Variants in CRADD observed in about 807,000 individuals in gnomAD.
CRADD encodes the protein CARD and death domain containing adaptor protein.
In CRADD, 9 loss-of-function variants were observed where a neutral mutation model predicts 15.5. That is an observed-to-expected ratio of 0.58 (90% confidence interval 0.35 to 1.01). CRADD has a LOEUF of 1.01. Among genes scored for constraint, CRADD ranks in the 50% least tolerant of loss-of-function variants. The pLI, the probability that CRADD is intolerant of heterozygous loss-of-function variation, is 0.02. For missense variants in CRADD, 227 were observed against 250.3 expected, an observed-to-expected ratio of 0.91 and a Z score of 0.63; for synonymous variants, 118 against 107.6, an observed-to-expected ratio of 1.10 and a Z score of -0.60.
At chr12:93,760,490 C>T (rs759199762) in intron 2 of CRADD, among the ~76,000 whole-genome samples, 2 of 152,040 alleles carry the variant, frequency 1.3e-5, no homozygotes, top group Non-Finnish European at 1.5e-5. Context: ...TAGCAGTGTC[C>T]GTTTTCTGTT....
intron 2 of CRADD, among the ~76,000 whole-genome samples, chr12:93,696,035 A>T (rs1029158392): frequency 1.3e-5 from 2 of 152,254 alleles, no homozygotes; most frequent in East Asian, 1.9e-4. Context: ...TTATAATGAG[A>T]TATAACCTCA....
chr12:93,819,424 G>A (rs371343489), intron 2 of CRADD, among the ~76,000 whole-genome samples: 1 of 152,246 alleles, frequency 6.6e-6, no homozygotes, highest in Admixed American at 6.5e-5. Context: ...GACGTTTGAA[G>A]AGGCAGCAAA....
At position 93,826,412 on chromosome 12, in the gene CRADD, A is replaced by G. The variant is rs182330880; in HGVS notation, c.299-23558A>G. 3.1e-4 allele frequency among the ~76,000 whole-genome samples: 47 copies of G among 152,344 alleles called. No homozygotes were observed. In the East Asian group the frequency reaches 7.5e-3, roughly 24 times the overall value. On this transcript the variant is annotated intron_variant, in intron 2 of 2. Coordinates refer to ENST00000332896, the MANE Select transcript of CRADD (RefSeq NM_003805.5). ...GAACCAAAGCACATGATATTATTTT[A>G]AAGTGCTGCAGCCTCTGGAATTTTT...
At chr12:93,767,323 C>T (rs1957036742) in intron 2 of CRADD, among the ~76,000 whole-genome samples, 1 of 152,236 alleles carries the variant, frequency 6.6e-6, no homozygotes, top group African/African-American at 2.4e-5. Flanking sequence ...TGGATAAACG[C>T]CTTCCCTGGT....
Position 93,817,693 on chromosome 12 carries a change from C to T in CRADD, c.299-32277C>T, listed in dbSNP as rs148929767. On this transcript the variant is annotated intron_variant, in intron 2 of 2. Coordinates refer to ENST00000332896, the MANE Select transcript of CRADD (RefSeq NM_003805.5). ...TCATCATAAAGCAGGTTGGGGCCTT[C>T]GAATCCACTCTCGGTGGCCCTTAGA... 8.5e-5 allele frequency among the ~76,000 whole-genome samples: 13 copies of T among 152,146 alleles called. 1 individual carries two copies. In the South Asian group the frequency reaches 2.3e-3, roughly 27 times the overall value.
chr12:93,850,587 A>G lies in CRADD; in HGVS notation c.*316A>G, dbSNP rs1159597747. The G allele has an allele frequency of 3.7e-5, 35 of 939,722 alleles. No individual in the cohort carries two copies. Among genetic ancestry groups the G allele is most frequent in the Non-Finnish European group, 4.4e-5 (34 of 776,764 alleles). The allele number at this position is 939,722 out of a possible 1,614,324, so 58.2% of individuals were successfully genotyped here. A position where few individuals can be genotyped will look rare whatever the true frequency, so the allele number is the denominator to read the frequency against. On this transcript the variant is annotated 3_prime_UTR_variant, in exon 3 of 3. Transcript: ENST00000332896. This position sits in a 1 kb window ranked among gnomAD's most constrained non-coding sequence, Gnocchi z 4.0. ...AGTGGTTCAAAATATATATCCATAT[A>G]TATATATATCCATATATATATCTCA...
intron 2 of CRADD, among the ~76,000 whole-genome samples, chr12:93,887,568 G>T (rs1043091627): frequency 6.6e-6 from 1 of 152,204 alleles, no homozygotes; most frequent in Non-Finnish European, 1.5e-5. Context: ...TTAGCAAATC[G>T]CCAAGGTGTT....
At chr12:93,825,820 A>G (rs2137023925) in intron 2 of CRADD, among the ~76,000 whole-genome samples, 2 of 152,342 alleles carry the variant, frequency 1.3e-5, no homozygotes, top group East Asian at 3.9e-4. Context: ...AGACCCTTTG[A>G]TGCCACAGAG....
intron 2 of CRADD, among the ~76,000 whole-genome samples, chr12:93,843,557 T>A (rs1308202773): frequency 6.6e-6 from 1 of 151,518 alleles, no homozygotes; most frequent in African/African-American, 2.4e-5. Context: ...TTTTTGTATT[T>A]TTAGCAGAGA....
At chr12:93,796,103 G>A (rs1159739819) in intron 2 of CRADD, among the ~76,000 whole-genome samples, 3 of 151,730 alleles carry the variant, frequency 2.0e-5, no homozygotes, top group African/African-American at 7.3e-5. Context: ...ATTTTATCAA[G>A]TAGCTGGGAG....
chr12:93,710,704 A>T (rs1046199732), intron 2 of CRADD, among the ~76,000 whole-genome samples: 1 of 152,006 alleles, frequency 6.6e-6, no homozygotes, highest in Non-Finnish European at 1.5e-5. Context: ...ATCACATCCT[A>T]TTGGTCAAAA....
chr12:93,726,040 A>G (rs1956357962), intron 2 of CRADD, among the ~76,000 whole-genome samples: 1 of 150,936 alleles, frequency 6.6e-6, no homozygotes, highest in Non-Finnish European at 1.5e-5. Context: ...CTGTGGCTCT[A>G]ATTGTTTCTG....
chr12:93,760,997 A>G (rs527663408), intron 2 of CRADD, among the ~76,000 whole-genome samples: 1 of 151,926 alleles, frequency 6.6e-6, no homozygotes. Context: ...TGAGATAGGG[A>G]GAGGAAGCCG....
chr12:93,880,501 G>A (rs769854843), intron 2 of CRADD, among the ~76,000 whole-genome samples: 9 of 152,142 alleles, frequency 5.9e-5, no homozygotes, highest in South Asian at 4.1e-4. Context: ...ATGGGACTGC[G>A]CAGCTCACCG....
chr12:93,748,240 G>A lies in CRADD; in HGVS notation c.298+69168G>A, dbSNP rs1956786180. Among the ~76,000 whole-genome samples the A allele has an allele frequency of 5.9e-5, 9 of 152,278 alleles. No homozygotes were observed. The South Asian group carries it at 1.9e-3, about 32-fold the overall frequency. The stretch of plus-strand genomic sequence containing the variant: ...TCCTTTCCTTGTCTCCCTGAACTCT[G>A]GCTGAGAAGCAGGGAGCCACAGTGC... On this transcript the variant is annotated intron_variant, in intron 2 of 2. Coordinates refer to ENST00000332896, the MANE Select transcript of CRADD (RefSeq NM_003805.5).
At chr12:93,709,495 A>G (rs1282780994) in intron 2 of CRADD, among the ~76,000 whole-genome samples, 1 of 152,158 alleles carries the variant, frequency 6.6e-6, no homozygotes, top group Non-Finnish European at 1.5e-5. Context: ...TCCCACTAAA[A>G]AGTGAGAACA....
chr12:93,894,083 C>A lies in CRADD; in HGVS notation c.332C>A (p.Thr111Asn), dbSNP rs1347919884. 10 of 702,378 alleles carry A rather than the reference C, an allele frequency of 1.4e-5. No homozygotes were observed. The East Asian group carries it at 2.7e-4, about 19-fold the overall frequency. The allele number at this position is 702,378 out of a possible 1,614,324, so 43.5% of individuals were successfully genotyped here. A position where few individuals can be genotyped will look rare whatever the true frequency, so the allele number is the denominator to read the frequency against. Residue 111 changes from threonine to asparagine, a missense_variant, in exon 3 of 3, where the codon ACT becomes AAT. Transcript: ENST00000548483. Reference sequence around the variant, plus strand: ...AAACTGAGGCCAAAGGATTCTGTTACTTGCCTGGCTTCACAGCTCACCTGG... The same window carrying A: ...AAACTGAGGCCAAAGGATTCTGTTAATTGCCTGGCTTCACAGCTCACCTGG...
At chr12:93,830,398 C>T (rs1015885908) in intron 2 of CRADD, among the ~76,000 whole-genome samples, 1 of 152,150 alleles carries the variant, frequency 6.6e-6, no homozygotes, top group African/African-American at 2.4e-5. Flanking sequence ...AAGAAGGTAG[C>T]AGGTAGTGAA....
At chr12:93,812,025 C>A (rs1037951068) in intron 2 of CRADD, among the ~76,000 whole-genome samples, 38 of 152,060 alleles carry the variant, frequency 2.5e-4, no homozygotes, top group African/African-American at 9.2e-4. Flanking sequence ...TGAAAGAAGC[C>A]AGTCCAAAAG....
Sources: allele counts gnomAD v4.1 joint callset (sites outside exome capture counted in the v4.1 genomes callset), GRCh38; gene constraint gnomAD v4.1.1; non-coding constraint Gnocchi (gnomAD v3.1); transcripts MANE v1.5; gene names NCBI Gene and HGNC (gene_info 2026-07-23, HGNC 2026-07-21).